Variants in ARID4B observed in about 807,000 individuals in gnomAD.
ARID4B encodes AT-rich interactive domain-containing protein 4B.
ARID4B carries 26 observed loss-of-function variants against 147.5 expected under a neutral mutation model. That is an observed-to-expected ratio of 0.18 (90% CI 0.13 to 0.24). The LOEUF is 0.24. Among genes scored for constraint, ARID4B ranks in the 10% least tolerant of loss-of-function variants. ARID4B has a pLI of 1.00. For synonymous variants in ARID4B, 512 were observed against 507.9 expected, an observed-to-expected ratio of 1.01 and a Z score of -0.11; for missense variants, 1,179 against 1,511.5, an observed-to-expected ratio of 0.78 and a Z score of 3.65.
chr1:235,250,076 C>T (rs1669549988), intron 6 of ARID4B, among the ~76,000 whole-genome samples: 1 of 152,040 alleles, frequency 6.6e-6, no homozygotes, highest in Non-Finnish European at 1.5e-5. Context: ...CACTGCACTC[C>T]AGCCTGGGCA....
intron 2 of ARID4B, among the ~76,000 whole-genome samples, chr1:235,286,029 T>C (rs1234002079): frequency 1.4e-5 from 2 of 147,560 alleles, no homozygotes; most frequent in East Asian, 2.0e-4. Context: ...TTCACACATT[T>C]GTTTCTGGCT....
At chr1:235,205,286 GC>G in intron 17 of ARID4B, among the ~76,000 whole-genome samples, 1 of 152,224 alleles carries the variant, frequency 6.6e-6, no homozygotes, top group South Asian at 2.1e-4. Context: ...AAGAAATTAA[GC>G]TGAAAAGTGA....
chr1:235,219,865 T>A lies in ARID4B; in HGVS notation c.1511A>T (p.Asp504Val). 4 of 1,609,964 alleles carry A rather than the reference T, an allele frequency of 2.5e-6. No homozygotes were observed. The highest frequency in any genetic ancestry group is 3.4e-6 in the Non-Finnish European group (4 of 1,178,550). The change falls in exon 16 of 24, where the codon GAT becomes GTT. Residue 504 changes from aspartate (D) to valine (V), a missense_variant. By Grantham distance (152) the Asp-to-Val change is radical. Coordinates refer to ENST00000264183, the MANE Select transcript of ARID4B (RefSeq NM_016374.6). ...TTCATCTACCCTAGTTGTGTCATCATCTTTGTCATCCAGATTTTCATTGTC... is the reference window on the plus strand; with the variant it reads ...TTCATCTACCCTAGTTGTGTCATCAACTTTGTCATCCAGATTTTCATTGTC... ...PEDNENLDDK[D>V]DDTTRVDESL...
At position 235,255,692 on chromosome 1, in the gene ARID4B, T is replaced by C; in HGVS notation, c.242A>G (p.Asn81Ser). 1.2e-6 allele frequency: 2 copies of C among 1,612,468 alleles called. No individual in the cohort carries two copies. The highest frequency in any genetic ancestry group is 1.7e-6 in the Non-Finnish European group (2 of 1,179,198). ...GTACCAACTCGCATCTGTTAGTTTA[T>C]TGATAACAGCTTCCTGATATGCACC... ...LDGAYQEAVI[N>S]KLTDASWYTV... Residue 81 changes from asparagine (N) to serine (S), a missense_variant, in exon 5 of 24, where the codon AAT (asparagine) becomes AGT (serine). Physicochemically the swap from Asn to Ser is conservative, Grantham distance 46. This residue lies in a region of ARID4B where 56 missense variants were observed against 99.2 expected (regional missense o/e 0.56). Coordinates refer to ENST00000264183, the MANE Select transcript of ARID4B (RefSeq NM_016374.6).
At chr1:235,311,988 G>A (rs970518878) in intron 2 of ARID4B, among the ~76,000 whole-genome samples, 2 of 151,956 alleles carry the variant, frequency 1.3e-5, no homozygotes, top group African/African-American at 4.8e-5. Context: ...TGATATAGAA[G>A]AATGTAAAAG....
intron 7 of ARID4B, among the ~76,000 whole-genome samples, chr1:235,244,052 A>G (rs2103078693): frequency 6.6e-6 from 1 of 152,302 alleles, no homozygotes; most frequent in Admixed American, 6.5e-5. Context: ...ATTAAAATAT[A>G]TGAGTAAATT....
chr1:235,236,862 A>ATATATATATATTT (rs1426582533), intron 8 of ARID4B, among the ~76,000 whole-genome samples: 2 of 17,492 alleles, frequency 1.1e-4, no homozygotes, highest in Admixed American at 1.2e-3. Context: ...ATATATATAT[A>ATATATATATATTT]TTTTTTTTTT....
chr1:235,211,972 G>C (rs1219203955), intron 17 of ARID4B, among the ~76,000 whole-genome samples: 1 of 152,032 alleles, frequency 6.6e-6, no homozygotes, highest in Non-Finnish European at 1.5e-5. Context: ...TACCAGAAAG[G>C]CAGCATAAGA....
In ARID4B at chr1:235,172,729, T is replaced by G. The variant is rs1359392869; in HGVS notation, c.3700A>C (p.Thr1234Pro). 1 of 1,604,816 alleles carries G rather than the reference T, an allele frequency of 6.2e-7. No individual in the cohort carries two copies. The highest frequency in any genetic ancestry group is 1.1e-5 in the South Asian group (1 of 88,618). Residue 1234 changes from threonine to proline, a missense_variant, in exon 23 of 24, where the codon ACA becomes CCA. By Grantham distance (38) the Thr-to-Pro change is conservative. Transcript: ENST00000264183. ...TCTTGAAGTTTTTCTTGAAGAATTG[T>G]GATGCGTTCGGCACTTGTCATATTT... ...LENMTSAERI[T>P]ILQEKLQEIR...
Position 235,301,038 on chromosome 1 carries a change from C to CTTTTT in ARID4B, c.6+25871_6+25875dup, listed in dbSNP as rs780839339. ...CCAACAATACATTTTTTTAAGTATT[C>CTTTTT]TTTTTTTTTTTTTTTTTTTTTTTTT... On this transcript the variant is annotated intron_variant, in intron 2 of 23. Coordinates refer to ENST00000264183, the MANE Select transcript of ARID4B (RefSeq NM_016374.6). Among the ~76,000 whole-genome samples, 192 of 112,184 alleles carry CTTTTT rather than the reference C, an allele frequency of 1.7e-3. 6 individuals are homozygous for CTTTTT. Among genetic ancestry groups the CTTTTT allele is most frequent in the African/African-American group, 5.4e-3 (147 of 27,344 alleles). 73.6% of individuals were successfully genotyped at this position (112,184 alleles called of 152,430 possible).
At chr1:235,313,661 A>G (rs1277515271) in intron 2 of ARID4B, among the ~76,000 whole-genome samples, 1 of 152,216 alleles carries the variant, frequency 6.6e-6, no homozygotes, top group Non-Finnish European at 1.5e-5. Context: ...CTAATCCATA[A>G]ATAACCCTCT....
chr1:235,181,881 C>G lies in ARID4B; in HGVS notation c.3038G>C (p.Ser1013Thr), dbSNP rs1664334469. The G allele has an allele frequency of 6.2e-7, 1 of 1,614,174 alleles. No individual in the cohort carries two copies. Among genetic ancestry groups the G allele is most frequent in the Non-Finnish European group, 8.5e-7 (1 of 1,180,028 alleles). Reference sequence around the variant, plus strand: ...ATTTAGCACTGAATTACTGCCACTACTTGGAAATTCTGCTTTTCTGTCATT... The same window carrying G: ...ATTTAGCACTGAATTACTGCCACTAGTTGGAAATTCTGCTTTTCTGTCATT... ...EVNDRKAEFP[S>T]SGSNSVLNTP... Residue 1013 changes from serine (S) to threonine (T), a missense_variant, in exon 20 of 24, where the codon AGT (serine) becomes ACT (threonine). This residue lies in a region of ARID4B where 357 missense variants were observed against 427.3 expected (regional missense o/e 0.84). Coordinates refer to ENST00000264183, the MANE Select transcript of ARID4B (RefSeq NM_016374.6).
At chr1:235,185,155 G>T (rs1202401570) in intron 19 of ARID4B, among the ~76,000 whole-genome samples, 2 of 152,030 alleles carry the variant, frequency 1.3e-5, no homozygotes, top group African/African-American at 2.4e-5. Flanking sequence ...TATGAGCAAT[G>T]GGGATTCTTA....
intron 19 of ARID4B, among the ~76,000 whole-genome samples, chr1:235,187,483 A>C (rs571967481): frequency 1.2e-4 from 19 of 152,328 alleles, no homozygotes; most frequent in African/African-American, 4.3e-4. Flanking sequence ...AGTAGGATTT[A>C]TTAACTGATA....
intron 20 of ARID4B, 81 bp downstream of exon 20, chr1:235,181,504 T>C (rs1007006898): frequency 6.7e-7 from 1 of 1,501,580 alleles, no homozygotes; most frequent in Non-Finnish European, 8.9e-7. Context: ...CCTCAGGTTA[T>C]AACAAGAGAT....
At chr1:235,223,684 C>CTTTT (rs149769753) in intron 12 of ARID4B, among the ~76,000 whole-genome samples, 58 of 117,162 alleles carry the variant, frequency 5.0e-4, no homozygotes, top group Admixed American at 2.3e-3. Flanking sequence ...AGTAAAGCTA[C>CTTTT]ATTTTTTTTT....
intron 18 of ARID4B, 31 bp from the exon 19 acceptor site, chr1:235,194,242 T>C: frequency 4.1e-6 from 6 of 1,479,860 alleles, no homozygotes; most frequent in Non-Finnish European, 5.6e-6. Flanking sequence ...TGTCGTAATT[T>C]ATCATAAGGC....
At chr1:235,179,574 C>T (rs144241552) in intron 20 of ARID4B, among the ~76,000 whole-genome samples, 1 of 135,676 alleles carries the variant, frequency 7.4e-6, no homozygotes, top group African/African-American at 2.6e-5. Flanking sequence ...AGAAAAACAC[C>T]AATTATTTCT....
chr1:235,274,112 C>T (rs1350384198), intron 2 of ARID4B, among the ~76,000 whole-genome samples: 2 of 152,140 alleles, frequency 1.3e-5, no homozygotes, highest in Non-Finnish European at 2.9e-5. Flanking sequence ...GTGGCTCACA[C>T]CTGTAATCCC....
Sources: allele counts gnomAD v4.1 joint callset (sites outside exome capture counted in the v4.1 genomes callset), GRCh38; gene constraint gnomAD v4.1.1; regional missense constraint gnomAD v4.1.1; transcripts MANE v1.5; gene names NCBI Gene and HGNC (gene_info 2026-07-23, HGNC 2026-07-21).